The following CLEC16A variants were observed in gnomAD, a reference collection of about 807,000 sequenced individuals.
The protein encoded by CLEC16A is protein CLEC16A.
In CLEC16A, 51 loss-of-function variants were observed where a neutral mutation model predicts 109.5. That is an observed-to-expected ratio of 0.47 (90% CI 0.37 to 0.59). The LOEUF (loss-of-function observed/expected upper bound fraction) is 0.59. Among genes scored for constraint, CLEC16A ranks in the 20% least tolerant of loss-of-function variants. The pLI is 0.00. For missense variants in CLEC16A, 1,339 were observed against 1,394.0 expected, an observed-to-expected ratio of 0.96 and a Z score of 0.63; for synonymous variants, 673 against 564.2, an observed-to-expected ratio of 1.19 and a Z score of -2.73.
intron 9 of CLEC16A, among the ~76,000 whole-genome samples, chr16:10,980,248 C>T (rs549947920): frequency 1.3e-4 from 20 of 152,282 alleles, no homozygotes; most frequent in African/African-American, 4.6e-4. Flanking sequence ...TAGGCCAATC[C>T]GGACATGTCC....
intron 19 of CLEC16A, among the ~76,000 whole-genome samples, chr16:11,086,628 C>T (rs1466189918): frequency 2.0e-5 from 3 of 152,072 alleles, no homozygotes. Context: ...CTGCAACCTC[C>T]GCCTCCCAGG....
At chr16:11,034,607 C>CA (rs1215916403) in intron 13 of CLEC16A, among the ~76,000 whole-genome samples, 1 of 152,082 alleles carries the variant, frequency 6.6e-6, no homozygotes, top group African/African-American at 2.4e-5. Flanking sequence ...GGACAGGGGA[C>CA]ACCCGTTCTG....
intron 22 of CLEC16A, among the ~76,000 whole-genome samples, chr16:11,162,613 G>C (rs2153089244): frequency 6.6e-6 from 1 of 152,264 alleles, no homozygotes; most frequent in Middle Eastern, 3.4e-3. Context: ...TTTTTTGCAA[G>C]AGCGGAAACA....
chr16:11,023,919 TCTC>T lies in CLEC16A; in HGVS notation c.1437-899_1437-897del, dbSNP rs1194951324. ...TGGGCCAGACCTGTGCATATTCTAT[TCTC>T]CTGGTGTTGAAGAGTATTTTTCTGT... is the stretch of plus-strand genomic sequence containing the variant. On this transcript the variant is annotated intron_variant, in intron 12 of 23. Transcript: ENST00000409790. Among the ~76,000 whole-genome samples the T allele has an allele frequency of 5.3e-5, 8 of 152,376 alleles. No individual in the cohort carries two copies. In the East Asian group the frequency reaches 1.3e-3, roughly 26 times the overall value.
rs150001550 is a variant in CLEC16A, at chr16:11,044,371, C to T, written c.1815+299C>T. ...TTATATGTAAATTATGAACTACGTA[C>T]GTATAAACACATATAAATAAATTAT... On this transcript the variant is annotated intron_variant, in intron 16 of 23. Coordinates refer to ENST00000409790, the MANE Select transcript of CLEC16A (RefSeq NM_015226.3). 434 of 265,226 alleles carry T rather than the reference C, an allele frequency of 1.6e-3. 3 individuals carry two copies. Among genetic ancestry groups the T allele is most frequent in the African/African-American group, 7.7e-3 (352 of 45,502 alleles). 16.4% of individuals were successfully genotyped at this position (265,226 alleles called of 1,614,324 possible).
In CLEC16A at chr16:11,178,684, G is replaced by C; in HGVS notation, c.3156G>C (p.Glu1052Asp). ...GTGCTGAGCCTGTGGGCACCGCTGAGGACTGAGTCAGTGCCGGGGCCTCCC... is the reference window on the plus strand; with the variant it reads ...GTGCTGAGCCTGTGGGCACCGCTGACGACTGAGTCAGTGCCGGGGCCTCCC... ...AACAEPVGTA[E>D]D Residue 1052 changes from glutamate (E) to aspartate (D), a missense_variant, in exon 24 of 24, where the codon GAG becomes GAC. Coordinates refer to ENST00000409790, the MANE Select transcript of CLEC16A (RefSeq NM_015226.3). This position sits in a 1 kb window ranked among gnomAD's most constrained non-coding sequence, Gnocchi z 6.5. 1.3e-6 allele frequency: 2 copies of C among 1,494,412 alleles called. No individual in the cohort carries two copies. Among genetic ancestry groups the C allele is most frequent in the Non-Finnish European group, 1.8e-6 (2 of 1,124,008 alleles). The allele number at this position is 1,494,412 out of a possible 1,614,324, so 92.6% of individuals were successfully genotyped here.
chr16:11,040,530 T>TTTTTTTTTTTTTC (rs71136607), intron 14 of CLEC16A: 1 of 148,518 alleles, frequency 6.7e-6, no homozygotes, highest in African/African-American at 2.5e-5. Context: ...TTTTTTTTTT[T>TTTTTTTTTTTTTC]GAGATGGAGT....
At chr16:11,079,545 G>T (rs1050867531) in intron 19 of CLEC16A, among the ~76,000 whole-genome samples, 2 of 152,118 alleles carry the variant, frequency 1.3e-5, no homozygotes, top group African/African-American at 2.4e-5. Flanking sequence ...TAGAAAAGCC[G>T]CATGCAACTT....
chr16:11,047,961 A>T (rs2047721140), intron 17 of CLEC16A: 1 of 152,260 alleles, frequency 6.6e-6, no homozygotes, highest in Admixed American at 6.5e-5. Context: ...TGAGAACAGT[A>T]TAAGGGAAAC....
chr16:10,962,776 T>A (rs2042311744), intron 3 of CLEC16A, among the ~76,000 whole-genome samples, 188 bp downstream of exon 3: 1 of 152,070 alleles, frequency 6.6e-6, no homozygotes, highest in Non-Finnish European at 1.5e-5. Context: ...AGTCCAAGAT[T>A]GGCCAGGCAT....
intron 11 of CLEC16A, among the ~76,000 whole-genome samples, chr16:11,015,926 C>T (rs968615752): frequency 2.0e-5 from 3 of 152,190 alleles, no homozygotes; most frequent in Non-Finnish European, 4.4e-5. Context: ...GGGGCAGAGG[C>T]CAGAGGCTGG....
intron 10 of CLEC16A, among the ~76,000 whole-genome samples, chr16:10,998,113 G>T (rs1390706101): frequency 1.3e-5 from 2 of 152,188 alleles, no homozygotes; most frequent in Non-Finnish European, 2.9e-5. Context: ...ATTGATCCCT[G>T]GGGATTCACC....
At chr16:10,986,672 A>G (rs2043677935) in intron 10 of CLEC16A, among the ~76,000 whole-genome samples, 1 of 151,190 alleles carries the variant, frequency 6.6e-6, no homozygotes, top group Non-Finnish European at 1.5e-5. Context: ...ACTTAATGTA[A>G]TGTCCTCGAG....
intron 19 of CLEC16A, among the ~76,000 whole-genome samples, chr16:11,120,395 C>T (rs559095987): frequency 8.5e-5 from 13 of 152,294 alleles, no homozygotes; most frequent in African/African-American, 3.1e-4. Context: ...AGTGTGCATT[C>T]TCTTTATTAT....
chr16:11,002,822 T>TGA (rs1481429483), intron 10 of CLEC16A, among the ~76,000 whole-genome samples: 2 of 152,236 alleles, frequency 1.3e-5, no homozygotes, highest in Non-Finnish European at 2.9e-5. Flanking sequence ...TTTTTAGTGC[T>TGA]GAATACTATG....
chr16:11,176,405 C>G lies in CLEC16A; in HGVS notation c.2807-1930C>G, dbSNP rs570747097. Among the ~76,000 whole-genome samples the G allele has an allele frequency of 5.3e-5, 8 of 152,304 alleles. 1 individual carries two copies. Among genetic ancestry groups the G allele is most frequent in the African/African-American group, 1.9e-4 (8 of 41,568 alleles). The stretch of plus-strand genomic sequence containing the variant: ...ATGCAGTGGTTTCCTCTAGATCTCT[C>G]TCTCTCTCTCTCTCTTTTAAAAAAG... On this transcript the variant is annotated intron_variant, in intron 23 of 23. Transcript: ENST00000409790.
intron 19 of CLEC16A, among the ~76,000 whole-genome samples, chr16:11,113,103 A>T (rs2051713117): frequency 6.6e-6 from 1 of 152,188 alleles, no homozygotes; most frequent in South Asian, 2.1e-4. Flanking sequence ...AAGAACTCAC[A>T]CTTGGAAACA....
At chr16:11,128,415 C>T (rs2052977428) in intron 22 of CLEC16A, among the ~76,000 whole-genome samples, 1 of 152,212 alleles carries the variant, frequency 6.6e-6, no homozygotes, top group South Asian at 2.1e-4. Flanking sequence ...GCCCCATGTC[C>T]TGTTGCTGGT....
At chr16:10,982,811 C>A in intron 9 of CLEC16A, 67 bp from the exon 10 acceptor site, 1 of 905,254 alleles carries the variant, frequency 1.1e-6, no homozygotes, top group Non-Finnish European at 1.8e-6. Flanking sequence ...CGCTTCTGAT[C>A]CAGGAAGCAA....
Sources: gnomAD v4.1 joint callset for allele counts (sites outside exome capture counted in the v4.1 genomes callset) on GRCh38, gnomAD v4.1.1 for gene constraint, Gnocchi (gnomAD v3.1) non-coding constraint, MANE v1.5 for transcripts, NCBI Gene and HGNC (gene_info 2026-07-23, HGNC 2026-07-21) for gene names.